Variants in RBFOX1 observed in about 807,000 individuals in gnomAD.
RBFOX1 encodes the protein RNA binding fox-1 homolog 1, also known as RNA binding protein fox-1 homolog 1.
RBFOX1 carries 8 observed loss-of-function variants against 57.7 expected under a neutral mutation model. That is an observed-to-expected ratio of 0.14 (90% CI 0.08 to 0.25). The LOEUF is 0.25. Ranked by LOEUF, RBFOX1 falls within the 10% of genes least tolerant of loss-of-function variation. The probability of loss-of-function intolerance (pLI) is 1.00; values close to 1 mark genes in which losing one functional copy is unlikely to be tolerated. For missense variants in RBFOX1, 611 were observed against 548.5 expected (o/e 1.11, Z -1.14); for synonymous variants, 326 against 222.4 (o/e 1.47, Z -4.15).
chr16:7,211,686 C>T (rs1046946298), intron 4 of RBFOX1, among the ~76,000 whole-genome samples: 1 of 152,054 alleles, frequency 6.6e-6, no homozygotes, highest in African/African-American at 2.4e-5. Flanking sequence ...ACACTGATTC[C>T]TGCCCTGGGG....
intron 4 of RBFOX1, among the ~76,000 whole-genome samples, chr16:7,476,709 G>C (rs988475877): frequency 2.0e-5 from 3 of 152,098 alleles, no homozygotes; most frequent in Admixed American, 6.6e-5. Context: ...TCCCCAGAAA[G>C]ACCCCTCTGA....
intron 1 of RBFOX1, among the ~76,000 whole-genome samples, chr16:6,072,817 C>T (rs1016552792): frequency 6.6e-6 from 1 of 152,082 alleles, no homozygotes; most frequent in Non-Finnish European, 1.5e-5. Context: ...CTTAAACACC[C>T]TCTACCCCAC....
intron 2 of RBFOX1, among the ~76,000 whole-genome samples, chr16:6,514,751 T>A (rs1283135629): frequency 2.0e-5 from 3 of 152,006 alleles, no homozygotes; most frequent in Admixed American, 6.6e-5. Flanking sequence ...TTATTCTTAT[T>A]GTAATAAGGA....
At chr16:7,092,612 C>G (rs1307732954) in intron 4 of RBFOX1, among the ~76,000 whole-genome samples, 4 of 152,292 alleles carry the variant, frequency 2.6e-5, no homozygotes, top group East Asian at 1.9e-4. Context: ...AATGCATTCA[C>G]TAATCATATA....
intron 3 of RBFOX1, among the ~76,000 whole-genome samples, chr16:7,048,486 C>G (rs1351417278): frequency 1.3e-5 from 2 of 151,388 alleles, no homozygotes; most frequent in Admixed American, 6.6e-5. Context: ...GTCTCGATCT[C>G]CTGACCTCAT....
At chr16:6,895,966 A>C (rs1367722753) in intron 3 of RBFOX1, among the ~76,000 whole-genome samples, 1 of 152,148 alleles carries the variant, frequency 6.6e-6, no homozygotes, top group Non-Finnish European at 1.5e-5. Flanking sequence ...GGTACCAAAG[A>C]TGTTTTGATA....
chr16:6,449,097 T>TA (rs2094542258), intron 2 of RBFOX1, among the ~76,000 whole-genome samples: 3 of 152,080 alleles, frequency 2.0e-5, no homozygotes, highest in African/African-American at 4.8e-5. Flanking sequence ...AGGTCTGGAA[T>TA]AAAAAAATGT....
chr16:7,084,045 T>C (rs980030656), intron 4 of RBFOX1, among the ~76,000 whole-genome samples: 23 of 152,084 alleles, frequency 1.5e-4, no homozygotes, highest in Non-Finnish European at 2.9e-5. Flanking sequence ...TTTCAGGTCA[T>C]TTACCCTAAT....
intron 4 of RBFOX1, among the ~76,000 whole-genome samples, chr16:7,353,728 C>G (rs189638263): frequency 6.6e-6 from 1 of 152,152 alleles, no homozygotes; most frequent in African/African-American, 2.4e-5. Flanking sequence ...TTGTATGATT[C>G]GATTTATATG....
At position 5,722,422 on chromosome 16, in the gene RBFOX1, C is replaced by A. The variant is rs549975863; in HGVS notation, c.318+123461C>A. 1.4e-4 allele frequency among the ~76,000 whole-genome samples: 21 copies of A among 152,312 alleles called. No homozygotes were observed. The South Asian group carries it at 4.1e-3, about 30-fold the overall frequency. ...ATTTGAAAGTCATTAGTCAAGGGCT[C>A]TGCTGGGCTGTTCTGCACACATTTG... On this transcript the variant is annotated intron_variant, in intron 3 of 19. Coordinates refer to the RBFOX1 transcript ENST00000641259.
intron 3 of RBFOX1, among the ~76,000 whole-genome samples, chr16:6,656,371 C>G (rs561616411): frequency 1.3e-5 from 2 of 152,214 alleles, no homozygotes; most frequent in South Asian, 2.1e-4. Flanking sequence ...GTTAGAACAA[C>G]CTGAGCTCCA....
At chr16:6,159,692 G>A (rs2096863768) in intron 1 of RBFOX1, among the ~76,000 whole-genome samples, 1 of 152,178 alleles carries the variant, frequency 6.6e-6, no homozygotes, top group East Asian at 1.9e-4. Context: ...TATGTACAGT[G>A]AATGTGCTCT....
intron 2 of RBFOX1, among the ~76,000 whole-genome samples, chr16:6,486,816 T>C (rs1263281269): frequency 6.6e-6 from 1 of 152,122 alleles, no homozygotes; most frequent in Non-Finnish European, 1.5e-5. Flanking sequence ...GTGTGTATTA[T>C]GAGCAGTAGT....
chr16:7,373,224 C>T (rs903329084), intron 4 of RBFOX1, among the ~76,000 whole-genome samples: 5 of 152,078 alleles, frequency 3.3e-5, no homozygotes, highest in Non-Finnish European at 7.4e-5. Context: ...TGAGCCACCG[C>T]GTCTGGCTGA....
intron 4 of RBFOX1, among the ~76,000 whole-genome samples, chr16:7,402,628 C>A (rs2098264168): frequency 6.6e-6 from 1 of 152,128 alleles, no homozygotes; most frequent in African/African-American, 2.4e-5. Flanking sequence ...GAGTGGCTTT[C>A]AATGCTAAGT....
At chr16:5,348,725 ACC>A (rs1348141862) in intron 1 of RBFOX1, among the ~76,000 whole-genome samples, 10 of 152,200 alleles carry the variant, frequency 6.6e-5, no homozygotes, top group African/African-American at 2.2e-4. Flanking sequence ...AATAATGAGG[ACC>A]CCTTTTCTGG....
At chr16:5,846,181 TAA>T (rs60988421) in intron 3 of RBFOX1, among the ~76,000 whole-genome samples, 196 of 132,322 alleles carry the variant, frequency 1.5e-3, no homozygotes, top group African/African-American at 4.3e-3. Context: ...GGCACTGTCT[TAA>T]AAAAAAAAAA....
At chr16:6,022,551 G>A (rs909794916) in intron 1 of RBFOX1, among the ~76,000 whole-genome samples, 3 of 151,986 alleles carry the variant, frequency 2.0e-5, no homozygotes, top group Non-Finnish European at 4.4e-5. Context: ...GTGTGGTGGT[G>A]CACACATGTA....
intron 3 of RBFOX1, among the ~76,000 whole-genome samples, chr16:6,886,148 GC>G: frequency 6.7e-6 from 1 of 148,906 alleles, no homozygotes; most frequent in South Asian, 2.1e-4. Context: ...TGCATCCTCC[GC>G]CCCCAGGGTT....
Sources: allele counts gnomAD v4.1 joint callset (sites outside exome capture counted in the v4.1 genomes callset), GRCh38; gene constraint gnomAD v4.1.1; transcripts MANE v1.5; gene names NCBI Gene and HGNC (gene_info 2026-07-23, HGNC 2026-07-21).